The following ABCB7 variants were observed in gnomAD, a reference collection of about 807,000 sequenced individuals.
ABCB7 encodes iron-sulfur clusters transporter ABCB7, mitochondrial.
ABCB7 carries 7 observed loss-of-function variants against 54.4 expected under a neutral mutation model. The observed-to-expected ratio is 0.13, with a 90% CI of 0.07 to 0.24. The LOEUF (loss-of-function observed/expected upper bound fraction) is 0.24, where lower values mean the gene tolerates loss of function less well. Ranked by LOEUF, ABCB7 falls within the 10% of genes least tolerant of loss-of-function variation. The pLI, the probability that ABCB7 is intolerant of heterozygous loss-of-function variation, is 1.00. For missense variants in ABCB7, 356 were observed against 570.4 expected, an observed-to-expected ratio of 0.62 and a Z score of 3.83; for synonymous variants, 218 against 207.1, an observed-to-expected ratio of 1.05 and a Z score of -0.45.
chrX:75,138,552 T>C (rs1359999032), intron 1 of ABCB7, among the ~76,000 whole-genome samples: 2 of 112,272 alleles, frequency 1.8e-5, no homozygotes, highest in Non-Finnish European at 3.8e-5. Flanking sequence ...TTCACAGATA[T>C]TAACAAGTAA....
chrX:75,111,686 AAAAC>A (rs1433427436), intron 3 of ABCB7, among the ~76,000 whole-genome samples: 4 of 112,676 alleles, frequency 3.6e-5, no homozygotes, highest in African/African-American at 1.3e-4. Context: ...ATGGCAAGGG[AAAAC>A]AAACAAAGGG....
intron 3 of ABCB7, among the ~76,000 whole-genome samples, chrX:75,111,676 A>T (rs764882327): frequency 2.7e-5 from 3 of 112,631 alleles, no homozygotes; most frequent in Non-Finnish European, 3.8e-5. Flanking sequence ...TAATACAAAG[A>T]TGGCAAGGGA....
In ABCB7 at chrX:75,099,128, C is replaced by T. The variant is rs371391700; in HGVS notation, c.334-67G>A. The T allele has an allele frequency of 8.5e-5, 92 of 1,085,359 alleles. 1 individual carries two copies. In the East Asian group the frequency reaches 9.2e-4, roughly 11 times the overall value. 89.4% of individuals were successfully genotyped at this position (1,085,359 alleles called of 1,213,427 possible). On this transcript the variant is annotated intron_variant, in intron 3 of 15. Transcript: ENST00000373394. ...TTCAAACATAACCATAATTCAATAA[C>T]GTAGAATTTATATATTTGAGAAATA...
chrX:75,137,815 G>C (rs1569246553), intron 1 of ABCB7, among the ~76,000 whole-genome samples: 1 of 111,720 alleles, frequency 9.0e-6, no homozygotes, highest in Non-Finnish European at 1.9e-5. Flanking sequence ...AGTGAGAGCT[G>C]AACATTGAGT....
At chrX:75,153,760 G>GTGTATATATATATATA (rs1288105928) in intron 1 of ABCB7, among the ~76,000 whole-genome samples, 4 of 94,140 alleles carry the variant, frequency 4.2e-5, no homozygotes, top group Middle Eastern at 0.011. Flanking sequence ...GTGTGTGTGT[G>GTGTATATATATATATA]TATATATATA....
intron 1 of ABCB7, among the ~76,000 whole-genome samples, chrX:75,154,203 G>A (rs903534877): frequency 9.0e-6 from 1 of 111,322 alleles, no homozygotes; most frequent in Non-Finnish European, 1.9e-5. Flanking sequence ...TAAAGGAAAT[G>A]GTAGGATGTA....
At chrX:75,068,888 G>C in intron 12 of ABCB7, 119 bp downstream of exon 12, 2 of 834,950 alleles carry the variant, frequency 2.4e-6, no homozygotes, top group South Asian at 4.6e-5. Flanking sequence ...TTCACTGGTA[G>C]GGTCTAATAC....
chrX:75,116,219 T>G (rs977596981), intron 1 of ABCB7, among the ~76,000 whole-genome samples: 1 of 111,426 alleles, frequency 9.0e-6, no homozygotes, highest in South Asian at 3.9e-4. Context: ...CACAAGCCCC[T>G]GTTCAAACTC....
At chrX:75,124,789 C>T (rs1383886761) in intron 1 of ABCB7, among the ~76,000 whole-genome samples, 2 of 111,651 alleles carry the variant, frequency 1.8e-5, no homozygotes, top group African/African-American at 6.5e-5. Flanking sequence ...ATTCCTAACC[C>T]TATTGTGTTT....
chrX:75,094,844 C>A (rs1602365065), intron 4 of ABCB7, among the ~76,000 whole-genome samples: 1 of 110,744 alleles, frequency 9.0e-6, no homozygotes, highest in Admixed American at 9.6e-5. Context: ...GGAATGAATA[C>A]AAATGGCACT....
intron 1 of ABCB7, among the ~76,000 whole-genome samples, chrX:75,152,001 G>A (rs2082135105): frequency 9.0e-6 from 1 of 111,451 alleles, no homozygotes; most frequent in South Asian, 3.7e-4. Flanking sequence ...CAATGTAGGG[G>A]ACAATTAAAA....
rs761693299 is a variant in ABCB7 at position 75,118,829 on chromosome X, A to C, written c.169-3998T>G. Among the ~76,000 whole-genome samples, 4 of 111,611 alleles carry C rather than the reference A, an allele frequency of 3.6e-5. No individual in the cohort carries two copies. In the South Asian group the frequency reaches 1.5e-3, roughly 43 times the overall value. On this transcript the variant is annotated intron_variant, in intron 1 of 15. Coordinates refer to ENST00000373394, the MANE Select transcript of ABCB7 (RefSeq NM_001271696.3). ...TGTCCCCATCCCCCACTGAGAGATA[A>C]CACTCCCATGGGGATGAGCTGATTC...
At chrX:75,075,302 T>C in intron 6 of ABCB7, 60 bp downstream of exon 6, 2 of 1,158,601 alleles carry the variant, frequency 1.7e-6, no homozygotes, top group Non-Finnish European at 2.3e-6. Flanking sequence ...GCTTCAAATA[T>C]TCAATTGCTA....
intron 4 of ABCB7, among the ~76,000 whole-genome samples, chrX:75,095,601 CT>C (rs1894537779): frequency 8.9e-6 from 1 of 112,459 alleles, no homozygotes; most frequent in African/African-American, 3.2e-5. Flanking sequence ...GATCTAGTTT[CT>C]GTTTTGTAAA....
Position 75,115,972 on chromosome X carries a change from C to T in ABCB7, c.169-1141G>A, listed in dbSNP as rs752446384. On this transcript the variant is annotated intron_variant, in intron 1 of 15. Coordinates refer to ENST00000373394, the MANE Select transcript of ABCB7 (RefSeq NM_001271696.3). ...AGTATCATATGACAGATTAACAGGC[C>T]CTGAAGGAAATCAAAGTATTTTATC... is the stretch of plus-strand genomic sequence containing the variant. 1.0e-3 allele frequency among the ~76,000 whole-genome samples: 112 copies of T among 111,148 alleles called. 1 individual carries two copies. Among genetic ancestry groups the T allele is most frequent in the Non-Finnish European group, 1.8e-3 (96 of 53,020 alleles).
At chrX:75,142,330 T>C (rs1304408150) in intron 1 of ABCB7, among the ~76,000 whole-genome samples, 1 of 112,173 alleles carries the variant, frequency 8.9e-6, no homozygotes, top group Admixed American at 9.5e-5. Flanking sequence ...CTGTATTGTT[T>C]TAGAAATAAT....
intron 3 of ABCB7, among the ~76,000 whole-genome samples, chrX:75,101,981 A>G (rs2081643590): frequency 8.9e-6 from 1 of 111,791 alleles, no homozygotes; most frequent in Non-Finnish European, 1.9e-5. Context: ...GATAAACTAT[A>G]AAGTTTGAAA....
intron 3 of ABCB7, among the ~76,000 whole-genome samples, chrX:75,100,221 T>C (rs2081628827): frequency 9.0e-6 from 1 of 110,703 alleles, no homozygotes; most frequent in Non-Finnish European, 1.9e-5. Context: ...TGCAACAATC[T>C]CCTAACTGAT....
chrX:75,069,245 T>C (rs1335586376), intron 11 of ABCB7, 46 bp downstream of exon 11: 2 of 1,198,864 alleles, frequency 1.7e-6, no homozygotes. Flanking sequence ...ACATTGGGAA[T>C]CATCAGCCTA....
Sources: allele counts gnomAD v4.1 joint callset (sites outside exome capture counted in the v4.1 genomes callset), GRCh38; gene constraint gnomAD v4.1.1; transcripts MANE v1.5; gene names NCBI Gene and HGNC (gene_info 2026-07-23, HGNC 2026-07-21).